RNF215: variants seen among roughly 807,000 people sequenced by gnomAD.
RNF215 encodes the protein ring finger protein 215.
RNF215 carries 41 observed loss-of-function variants against 44.8 expected under a neutral mutation model. The ratio of observed to expected loss-of-function variants is 0.92; its 90% CI spans 0.71 to 1.19. The LOEUF (loss-of-function observed/expected upper bound fraction) is 1.19. Among genes scored for constraint, RNF215 ranks in the 50% most tolerant of loss-of-function variants. The probability of loss-of-function intolerance (pLI) is 0.00; values close to 1 mark genes in which losing one functional copy is unlikely to be tolerated. For missense variants in RNF215, 452 were observed against 496.2 expected (o/e 0.91, Z 0.85); for synonymous variants, 218 against 230.1 (o/e 0.95, Z 0.48).
chr22:30,386,252 T>G, intron 2 of RNF215, 111 bp from the exon 3 acceptor site: 1 of 994,168 alleles, frequency 1.0e-6, no homozygotes, highest in Non-Finnish European at 1.5e-6. Context: ...AGCAAAACTC[T>G]GGACAGACTG....
chr22:30,382,404 C>CAA (rs796940204), intron 5 of RNF215, among the ~76,000 whole-genome samples: 10 of 65,776 alleles, frequency 1.5e-4, no homozygotes, highest in South Asian at 4.7e-4. Context: ...AACTCTGTCT[C>CAA]AAAAAAAAAA....
chr22:30,383,947 AG>A (rs1479129289), intron 5 of RNF215, among the ~76,000 whole-genome samples: 1 of 152,198 alleles, frequency 6.6e-6, no homozygotes, highest in Admixed American at 6.5e-5. Context: ...GACAAGGCCC[AG>A]TGGCAGAAGG....
intron 5 of RNF215, among the ~76,000 whole-genome samples, chr22:30,382,077 G>A (rs1225845560): frequency 6.6e-6 from 1 of 152,158 alleles, no homozygotes; most frequent in Non-Finnish European, 1.5e-5. Context: ...AGGAGACCGG[G>A]GCATCACTGC....
At chr22:30,382,743 C>T (rs1055613309) in intron 5 of RNF215, among the ~76,000 whole-genome samples, 1 of 152,120 alleles carries the variant, frequency 6.6e-6, no homozygotes, top group African/African-American at 2.4e-5. Flanking sequence ...TTGGGGAACA[C>T]ACCTTGCAGA....
intron 5 of RNF215, among the ~76,000 whole-genome samples, chr22:30,383,593 C>T (rs562113838): frequency 4.6e-5 from 7 of 152,302 alleles, no homozygotes; most frequent in African/African-American, 9.6e-5. Flanking sequence ...GAGACCGGGA[C>T]GTGACTGCCC....
intron 7 of RNF215, 57 bp from the exon 8 acceptor site, chr22:30,379,870 T>C: frequency 6.5e-7 from 1 of 1,532,422 alleles, no homozygotes; most frequent in Non-Finnish European, 8.9e-7. Flanking sequence ...CACGTGGGGG[T>C]GCCTGGTCCC....
chr22:30,379,340 C>A lies in RNF215; in HGVS notation c.*260G>T, dbSNP rs571261430. The stretch of plus-strand genomic sequence containing the variant: ...GCTGCCTGTAAGGAGGGCAGACTCA[C>A]GTCACAGGATTGCAGAGAAGGTCCC... On this transcript the variant is annotated 3_prime_UTR_variant, in exon 9 of 9. Transcript: ENST00000382363. 1.8e-6 allele frequency: 1 copy of A among 555,336 alleles called. No homozygotes were observed. The highest frequency in any genetic ancestry group is 3.2e-6 in the Non-Finnish European group (1 of 309,166). 34.4% of individuals were successfully genotyped at this position (555,336 alleles called of 1,614,324 possible). A position where few individuals can be genotyped will look rare whatever the true frequency, so the allele number is the denominator to read the frequency against.
intron 5 of RNF215, among the ~76,000 whole-genome samples, chr22:30,381,499 G>A (rs866584053): frequency 2.6e-5 from 4 of 152,190 alleles, no homozygotes; most frequent in East Asian, 3.9e-4. Flanking sequence ...AGGAGATGGC[G>A]CAGCGGAGTA....
In RNF215 at chr22:30,378,879, TAAAAAAA is replaced by T. The variant is rs397769011; in HGVS notation, c.*714_*720del. 8.8e-6 allele frequency: 1 copy of T among 113,182 alleles called. No homozygotes were observed. The highest frequency in any genetic ancestry group is 3.4e-5 in the African/African-American group (1 of 29,272). The allele number at this position is 113,182 out of a possible 1,614,324, so 7.0% of individuals were successfully genotyped here. A position where few individuals can be genotyped will look rare whatever the true frequency, so the allele number is the denominator to read the frequency against. On this transcript the variant is annotated 3_prime_UTR_variant, in exon 9 of 9. Coordinates refer to ENST00000382363, the MANE Select transcript of RNF215 (RefSeq NM_001017981.2). The stretch of plus-strand genomic sequence containing the variant: ...TTAAACCTTCCCTACTCCAACTCTT[TAAAAAAA>T]AAAAAAAAAAAAAAAAAGGATGCCC...
intron 7 of RNF215, 67 bp downstream of exon 7, chr22:30,379,995 G>A: frequency 1.3e-6 from 2 of 1,598,194 alleles, no homozygotes; most frequent in Non-Finnish European, 1.7e-6. Flanking sequence ...GTGGTTCCAA[G>A]GTCCCAGGAG....
In RNF215 at chr22:30,380,453, C is replaced by T; in HGVS notation, c.745-52G>A. The T allele has an allele frequency of 6.5e-7, 1 of 1,545,052 alleles. No individual in the cohort carries two copies. ...CATGGGGCCACCCCCACACGCCTCC[C>T]TTAGGAACATCTACCCCCAGGAACG... On this transcript the variant is annotated intron_variant, in intron 5 of 8. Coordinates refer to ENST00000382363, the MANE Select transcript of RNF215 (RefSeq NM_001017981.2). The surrounding 1 kb of genome is among the most constrained non-coding windows in gnomAD (Gnocchi z 5.3).
Position 30,379,163 on chromosome 22 carries a change from C to T in RNF215, c.*437G>A, listed in dbSNP as rs772058154. On this transcript the variant is annotated 3_prime_UTR_variant, in exon 9 of 9. Coordinates refer to ENST00000382363, the MANE Select transcript of RNF215 (RefSeq NM_001017981.2). ...GCCAGGGTACCCCAAGGCCAGATAG[C>T]TCTTCCCTCAACCCACCCCCCAATA... The T allele has an allele frequency of 5.1e-5, 10 of 196,008 alleles. No individual in the cohort carries two copies. Among genetic ancestry groups the T allele is most frequent in the Middle Eastern group, 2.2e-3 (1 of 464 alleles). 12.1% of individuals were successfully genotyped at this position (196,008 alleles called of 1,614,324 possible). A position where few individuals can be genotyped will look rare whatever the true frequency, so the allele number is the denominator to read the frequency against.
chr22:30,386,739 C>T lies in RNF215; in HGVS notation c.306G>A (p.Glu102=), dbSNP rs2032821134. Residue 102 remains glutamate, a synonymous_variant, in exon 2 of 9, where the codon GAG becomes GAA. Coordinates refer to ENST00000382363, the MANE Select transcript of RNF215 (RefSeq NM_001017981.2). Reference sequence around the variant, plus strand: ...TCCAGCCTTCCACTGGTGCCTCCTGCTCGGCATCCACGATGTCCATCTGTG... The same window carrying T: ...TCCAGCCTTCCACTGGTGCCTCCTGTTCGGCATCCACGATGTCCATCTGTG... ...RLLLMDIVDA[E]QEAPVEGWIA... The T allele has an allele frequency of 1.2e-6, 2 of 1,607,546 alleles. No homozygotes were observed. Among genetic ancestry groups the T allele is most frequent in the South Asian group, 1.1e-5 (1 of 91,076 alleles).
At position 30,379,609 on chromosome 22, in the gene RNF215, G is replaced by A. The variant is rs139943188; in HGVS notation, c.1125C>T (p.Ser375=). 306 of 1,551,018 alleles carry A rather than the reference G, an allele frequency of 2.0e-4. 1 individual carries two copies. The East Asian group carries it at 4.4e-3, about 22-fold the overall frequency. ...CKFNVLGNRY[S]DD ...GAGTCCAGCTGGGCAGCTAATCATC[G>A]GAGTAGCGGTTCCCTGCAGGGGAGG... The change falls in exon 9 of 9, where the codon TCC becomes TCT. Residue 375 remains serine (S), a synonymous_variant. Coordinates refer to ENST00000382363, the MANE Select transcript of RNF215 (RefSeq NM_001017981.2).
At chr22:30,386,017 C>T in intron 3 of RNF215, 28 bp from the exon 4 acceptor site, 1 of 1,613,912 alleles carries the variant, frequency 6.2e-7, no homozygotes. Context: ...GGTCAGCAGG[C>T]CTGGGTCCCC....
chr22:30,385,769 G>A (rs1185913136), intron 4 of RNF215, 135 bp downstream of exon 4: 5 of 725,928 alleles, frequency 6.9e-6, no homozygotes, highest in African/African-American at 5.4e-5. Flanking sequence ...TGGGCAACAC[G>A]AGTGATACTC....
intron 2 of RNF215, 35 bp from the exon 3 acceptor site, chr22:30,386,176 A>G: frequency 6.5e-7 from 1 of 1,550,110 alleles, no homozygotes. Context: ...GCTAGCATAT[A>G]CCCTGCCTGC....
chr22:30,380,374 T>C lies in RNF215; in HGVS notation c.772A>G (p.Ile258Val), dbSNP rs760995860. 4 of 1,609,162 alleles carry C rather than the reference T, an allele frequency of 2.5e-6. No individual in the cohort carries two copies. Among genetic ancestry groups the C allele is most frequent in the East Asian group, 2.2e-5 (1 of 44,738 alleles). ...CACAGGAGCATGGCCACCAGCAGGA[T>C]GGCGTTCCACAGCTGCTGCAGGGGT... ...QKPLQQLWNA[I>V]LLVAMLLCTG... The change falls in exon 6 of 9, where the codon ATC (isoleucine) becomes GTC (valine). Residue 258 changes from isoleucine to valine, a missense_variant. By Grantham distance (29) the Ile-to-Val change is conservative (BLOSUM62 3). Transcript: ENST00000382363. This position sits in a 1 kb window ranked among gnomAD's most constrained non-coding sequence, Gnocchi z 5.3.
At chr22:30,383,641 T>C (rs1933557511) in intron 5 of RNF215, among the ~76,000 whole-genome samples, 1 of 152,162 alleles carries the variant, frequency 6.6e-6, no homozygotes, top group South Asian at 2.1e-4. Context: ...GTGGACAGAA[T>C]ACCCTTGAAT....
Sources: allele counts gnomAD v4.1 joint callset (sites outside exome capture counted in the v4.1 genomes callset), GRCh38; gene constraint gnomAD v4.1.1; non-coding constraint Gnocchi (gnomAD v3.1); transcripts MANE v1.5; gene names NCBI Gene and HGNC (gene_info 2026-07-23, HGNC 2026-07-21).